Variants in BCAT1 observed in about 807,000 individuals in gnomAD.
BCAT1 encodes the protein branched-chain-amino-acid aminotransferase, cytosolic.
BCAT1 carries 48 observed loss-of-function variants against 52.4 expected under a neutral mutation model. That is an observed-to-expected ratio of 0.92 (90% CI 0.73 to 1.16). The LOEUF (loss-of-function observed/expected upper bound fraction) is 1.16, where lower values mean the gene tolerates loss of function less well. Among genes scored for constraint, BCAT1 ranks in the 50% most tolerant of loss-of-function variants. BCAT1 has a pLI of 0.00. For missense variants in BCAT1, 451 were observed against 457.1 expected (o/e 0.99, Z 0.12); for synonymous variants, 167 against 161.3 (o/e 1.04, Z -0.27).
At chr12:24,860,256 A>G (rs921332294) in intron 5 of BCAT1, among the ~76,000 whole-genome samples, 2 of 152,252 alleles carry the variant, frequency 1.3e-5, no homozygotes, top group African/African-American at 4.8e-5. Context: ...CTCCCTTGGG[A>G]AACCAATATG....
At position 24,881,393 on chromosome 12, in the gene BCAT1, C is replaced by T. The variant is rs1263288285; in HGVS notation, c.298G>A (p.Ala100Thr). 1.9e-6 allele frequency: 3 copies of T among 1,607,970 alleles called. No individual in the cohort carries two copies. Among genetic ancestry groups the T allele is most frequent in the East Asian group, 4.5e-5 (2 of 44,828 alleles). ...ATTTTATTATCTACTCCTCGAAATG[C>T]CTTCAATCCTTCAAATAACTGGAGA... ...YAVELFEGLK[A>T]FRGVDNKIRL... Residue 100 changes from alanine to threonine, a missense_variant, in exon 4 of 11, where the codon GCA (alanine) becomes ACA (threonine). Ala to Thr is a moderately conservative substitution (Grantham distance 58). Coordinates refer to ENST00000261192, the MANE Select transcript of BCAT1 (RefSeq NM_005504.7).
At position 24,813,212 on chromosome 12, in the gene BCAT1, C is replaced by T. The variant is rs1485134487; in HGVS notation, c.*4796G>A. 3 of 151,906 alleles carry T rather than the reference C, an allele frequency of 2.0e-5. No individual in the cohort carries two copies. The highest frequency in any genetic ancestry group is 6.6e-5 in the Admixed American group (1 of 15,250). 9.4% of individuals were successfully genotyped at this position (151,906 alleles called of 1,614,324 possible). The stretch of plus-strand genomic sequence containing the variant: ...TTGATATGTTTCATTATCAACCTCC[C>T]CAAATTAAACATCTGACAAGTCTTT... On this transcript the variant is annotated 3_prime_UTR_variant, in exon 11 of 11. Transcript: ENST00000261192.
chr12:24,920,041 T>C (rs2139719510), intron 1 of BCAT1, among the ~76,000 whole-genome samples: 2 of 152,222 alleles, frequency 1.3e-5, no homozygotes, highest in Middle Eastern at 3.4e-3. Context: ...GGGTATGTCT[T>C]TATTAGCAGC....
intron 1 of BCAT1, among the ~76,000 whole-genome samples, chr12:24,912,937 T>C (rs1345872537): frequency 6.6e-6 from 1 of 152,224 alleles, no homozygotes; most frequent in Non-Finnish European, 1.5e-5. Flanking sequence ...TGATCATAAT[T>C]TTATGTGACA....
chr12:24,902,196 A>G, intron 1 of BCAT1: 1 of 1,433,294 alleles, frequency 7.0e-7, no homozygotes. Context: ...ACAAAAAAAC[A>G]ATTGTCTCCC....
intron 6 of BCAT1, among the ~76,000 whole-genome samples, chr12:24,845,484 T>A (rs1032681337): frequency 7.2e-5 from 11 of 152,258 alleles, no homozygotes; most frequent in African/African-American, 2.7e-4. Flanking sequence ...AAATGCTTTT[T>A]AATAATGAGT....
chr12:24,838,421 AG>A (rs1053296395), intron 7 of BCAT1, among the ~76,000 whole-genome samples: 2 of 152,078 alleles, frequency 1.3e-5, no homozygotes, highest in Non-Finnish European at 2.9e-5. Context: ...CATGTTTAGA[AG>A]TGTTGATGAT....
chr12:24,920,292 A>G (rs1943482725), intron 1 of BCAT1, among the ~76,000 whole-genome samples: 1 of 152,152 alleles, frequency 6.6e-6, no homozygotes, highest in South Asian at 2.1e-4. Flanking sequence ...AATTTTAGAG[A>G]GAAGAATGAA....
chr12:24,848,420 G>A (rs1240877092), intron 6 of BCAT1, among the ~76,000 whole-genome samples: 1 of 152,170 alleles, frequency 6.6e-6, no homozygotes, highest in African/African-American at 2.4e-5. Flanking sequence ...CAGTGATCAT[G>A]TATTCTGCAA....
At chr12:24,909,981 C>T (rs113231876) in intron 1 of BCAT1, among the ~76,000 whole-genome samples, 2,514 of 152,218 alleles carry the variant, frequency 0.017, 58 homozygotes, top group African/African-American at 0.057. Flanking sequence ...CAGATGATGC[C>T]GGCCCCTCAT....
At position 24,894,430 on chromosome 12, in the gene BCAT1, G is replaced by A; in HGVS notation, c.124C>T (p.Pro42Ser). Residue 42 changes from proline (P) to serine (S), a missense_variant, in exon 3 of 11, where the codon CCA (proline) becomes TCA (serine). Physicochemically the swap from Pro to Ser is moderately conservative, Grantham distance 74 (BLOSUM62 -1). Coordinates refer to ENST00000261192, the MANE Select transcript of BCAT1 (RefSeq NM_005504.7). ...CCAAAAACCAGATTATTGGGGTCTG[G>A]TTTTTCCTTTAAAATGGTAGCTGGT... The part of the protein sequence containing the change: ...VTPATILKEK[P>S]DPNNLVFGTV... The A allele has an allele frequency of 6.2e-7, 1 of 1,607,626 alleles. No individual in the cohort carries two copies. Among genetic ancestry groups the A allele is most frequent in the South Asian group, 1.1e-5 (1 of 89,842 alleles).
At chr12:24,899,454 C>A (rs1016353866) in intron 2 of BCAT1, among the ~76,000 whole-genome samples, 6 of 151,472 alleles carry the variant, frequency 4.0e-5, no homozygotes, top group Non-Finnish European at 8.8e-5. Flanking sequence ...AGTTTATCTA[C>A]TGTGGAAAAT....
intron 8 of BCAT1, chr12:24,834,524 G>T (rs943477352): frequency 1.0e-6 from 1 of 975,716 alleles, no homozygotes; most frequent in Non-Finnish European, 1.2e-6. Context: ...TAAAAATAGA[G>T]AGGTTTAAAA....
At chr12:24,887,399 C>T (rs1591840820) in intron 3 of BCAT1, among the ~76,000 whole-genome samples, 1 of 152,168 alleles carries the variant, frequency 6.6e-6, no homozygotes, top group East Asian at 1.9e-4. Context: ...AAGGGGTATT[C>T]ACACGTGTGC....
intron 5 of BCAT1, among the ~76,000 whole-genome samples, chr12:24,859,783 CCTTTTCCTGATCTGGTCAATA>C (rs1356530708): frequency 1.4e-4 from 22 of 152,134 alleles, no homozygotes; most frequent in African/African-American, 5.1e-4. Flanking sequence ...CTATATTATG[CCTTTTCCTGATCTGGTCAATA>C]CTTTAGATAT....
In BCAT1 at chr12:24,878,522, G is replaced by A. The variant is rs1330411329; in HGVS notation, c.510+8C>T. 6.9e-6 allele frequency: 11 copies of A among 1,600,166 alleles called. No homozygotes were observed. The highest frequency in any genetic ancestry group is 2.2e-5 in the East Asian group (1 of 44,708). ...CAAAGTACCCCAAAATAAAGAGTCA[G>A]TTTGCACCTCAGTTCCAATGAATGT... is the stretch of plus-strand genomic sequence containing the variant. On this transcript the variant is annotated splice_region_variant and intron_variant, in intron 5 of 10. Transcript: ENST00000261192.
intron 6 of BCAT1, among the ~76,000 whole-genome samples, chr12:24,845,106 C>G (rs1047742254): frequency 1.3e-5 from 2 of 151,078 alleles, no homozygotes; most frequent in East Asian, 3.9e-4. Flanking sequence ...CCCACCTACT[C>G]GGGAGGCTGA....
At position 24,815,995 on chromosome 12, in the gene BCAT1, C is replaced by A. The variant is rs1407171573; in HGVS notation, c.*2013G>T. 6.6e-6 allele frequency: 1 copy of A among 152,278 alleles called. No individual in the cohort carries two copies. Among genetic ancestry groups the A allele is most frequent in the African/African-American group, 2.4e-5 (1 of 41,424 alleles). 9.4% of individuals were successfully genotyped at this position (152,278 alleles called of 1,614,324 possible). A position where few individuals can be genotyped will look rare whatever the true frequency, so the allele number is the denominator to read the frequency against. On this transcript the variant is annotated 3_prime_UTR_variant, in exon 11 of 11. Transcript: ENST00000261192. ...AGGAGTTAGCCAAGGCGAAAGCACA[C>A]CCTTAGAATGTTGCTCGGGGTACAC...
chr12:24,819,712 A>G (rs947566958), intron 10 of BCAT1, among the ~76,000 whole-genome samples: 2 of 152,176 alleles, frequency 1.3e-5, no homozygotes, highest in Admixed American at 6.5e-5. Flanking sequence ...AGCAGAATCT[A>G]TCCAAGTGGT....
Sources: gnomAD v4.1 joint callset for allele counts (sites outside exome capture counted in the v4.1 genomes callset) on GRCh38, gnomAD v4.1.1 for gene constraint, MANE v1.5 for transcripts, NCBI Gene and HGNC (gene_info 2026-07-23, HGNC 2026-07-21) for gene names.